The following CLVS1 variants were observed in gnomAD, a reference collection of about 807,000 sequenced individuals.
CLVS1 encodes clavesin 1.
Under a neutral mutation model 33.1 loss-of-function variants are expected in CLVS1, and 10 were observed. The observed-to-expected ratio is 0.30, with a 90% CI of 0.19 to 0.51. The LOEUF is 0.51. CLVS1 is among the 20% of genes least tolerant of loss of function. CLVS1 has a pLI of 0.97. For missense variants in CLVS1, 343 were observed against 433.4 expected, an observed-to-expected ratio of 0.79 and a Z score of 1.85; for synonymous variants, 163 against 166.1, an observed-to-expected ratio of 0.98 and a Z score of 0.14.
chr8:61,472,277 G>A (rs1817760326), intron 5 of CLVS1, among the ~76,000 whole-genome samples: 1 of 152,024 alleles, frequency 6.6e-6, no homozygotes, highest in South Asian at 2.1e-4. Flanking sequence ...TCTTTTATTT[G>A]CCACTGTGCC....
At chr8:61,002,400 G>A in the CLVS1 span, among the ~76,000 whole-genome samples, 8 of 146,114 alleles carry the variant, frequency 5.5e-5, no homozygotes, top group Non-Finnish European at 8.9e-5. Flanking sequence ...CATGATCTTG[G>A]CTCACTGCAG....
intron 2 of CLVS1, among the ~76,000 whole-genome samples, chr8:61,137,720 C>T (rs144014352): frequency 5.3e-5 from 8 of 152,302 alleles, no homozygotes; most frequent in African/African-American, 1.9e-4. Context: ...CATAGCCAGG[C>T]TCGATGTTGC....
chr8:61,090,536 A>T (rs2129284314), intron 1 of CLVS1, among the ~76,000 whole-genome samples: 1 of 152,300 alleles, frequency 6.6e-6, no homozygotes, highest in Non-Finnish European at 1.5e-5. Flanking sequence ...TTTAAAAAAA[A>T]AAGCGTGATT....
At chr8:61,006,225 G>A in the CLVS1 span, among the ~76,000 whole-genome samples, 1 of 152,186 alleles carries the variant, frequency 6.6e-6, no homozygotes, top group African/African-American at 2.4e-5. Flanking sequence ...CATCAGAAGG[G>A]TAATGGCCAG....
chr8:61,468,110 T>C (rs2129607589), intron 5 of CLVS1, among the ~76,000 whole-genome samples: 1 of 152,336 alleles, frequency 6.6e-6, no homozygotes, highest in Middle Eastern at 3.4e-3. Flanking sequence ...AATGTGAAAT[T>C]TCTATAAAGT....
chr8:61,063,840 T>C (rs963660005), intron 1 of CLVS1, among the ~76,000 whole-genome samples: 2 of 152,230 alleles, frequency 1.3e-5, no homozygotes, highest in Admixed American at 1.3e-4. Flanking sequence ...ACTTTTTCAT[T>C]GTCCCTAGTA....
At chr8:61,174,413 G>C (rs1807071235) in intron 2 of CLVS1, among the ~76,000 whole-genome samples, 2 of 150,932 alleles carry the variant, frequency 1.3e-5, no homozygotes, top group South Asian at 4.2e-4. Flanking sequence ...TCCAGCCTGG[G>C]CAACAGAGTG....
At chr8:61,408,263 A>G (rs539053179) in intron 3 of CLVS1, among the ~76,000 whole-genome samples, 1 of 152,264 alleles carries the variant, frequency 6.6e-6, no homozygotes, top group Admixed American at 6.5e-5. Context: ...ACATCTCAAG[A>G]GGTGAAATTT....
intron 2 of CLVS1, among the ~76,000 whole-genome samples, chr8:61,232,037 T>TG (rs1219197483): frequency 0.35 from 40,791 of 115,978 alleles, 8,285 homozygotes; most frequent in Non-Finnish European, 0.4. Flanking sequence ...TTTTTTTTTT[T>TG]TTTTTTTTTT....
chr8:61,338,700 G>C (rs1318040605), intron 2 of CLVS1, among the ~76,000 whole-genome samples: 2 of 152,112 alleles, frequency 1.3e-5, no homozygotes, highest in African/African-American at 4.8e-5. Flanking sequence ...CTCCTTTCTG[G>C]TGTGGGAGCC....
At chr8:61,067,358 G>C (rs1173194629) in intron 1 of CLVS1, among the ~76,000 whole-genome samples, 2 of 150,436 alleles carry the variant, frequency 1.3e-5, no homozygotes, top group African/African-American at 2.4e-5. Context: ...ATATATGTGG[G>C]TGTATATATA....
In CLVS1 at chr8:61,368,488, C is replaced by A. The variant is rs376292873; in HGVS notation, c.456-8117C>A. Among the ~76,000 whole-genome samples the A allele has an allele frequency of 2.1e-3, 323 of 152,252 alleles. 2 individuals are homozygous for A. Among genetic ancestry groups the A allele is most frequent in the African/African-American group, 7.2e-3 (298 of 41,546 alleles). The stretch of plus-strand genomic sequence containing the variant: ...GCCTTGTTCTTGGACAAGAACATTA[C>A]CCTTTGTGTTTTGTCCTCAGTAGCA... On this transcript the variant is annotated intron_variant, in intron 2 of 5. Transcript: ENST00000325897.
intron 2 of CLVS1, among the ~76,000 whole-genome samples, chr8:61,273,452 G>A (rs987517306): frequency 3.3e-5 from 5 of 152,162 alleles, no homozygotes; most frequent in Non-Finnish European, 4.4e-5. Flanking sequence ...TTGTTTGTCT[G>A]TGCCCTGCCC....
At chr8:61,035,933 T>G in the CLVS1 span, among the ~76,000 whole-genome samples, 6 of 152,190 alleles carry the variant, frequency 3.9e-5, no homozygotes, top group Non-Finnish European at 8.8e-5. Flanking sequence ...TGCGTGCACC[T>G]GATGCATTTT....
the CLVS1 span, among the ~76,000 whole-genome samples, chr8:61,007,960 G>A: frequency 2.0e-5 from 3 of 152,172 alleles, no homozygotes; most frequent in Non-Finnish European, 2.9e-5. Flanking sequence ...ATGATTGCAG[G>A]AGACAGCTTG....
chr8:61,297,580 T>C (rs1306997289), intron 1 of CLVS1, among the ~76,000 whole-genome samples: 1 of 152,166 alleles, frequency 6.6e-6, no homozygotes, highest in East Asian at 1.9e-4. Flanking sequence ...AGTTTAGTTT[T>C]GAACAGATCG....
At chr8:61,334,921 A>G (rs1020183423) in intron 2 of CLVS1, among the ~76,000 whole-genome samples, 3 of 152,242 alleles carry the variant, frequency 2.0e-5, no homozygotes, top group South Asian at 2.1e-4. Context: ...TTATTACTCA[A>G]ATCAGTCTCT....
intron 1 of CLVS1, among the ~76,000 whole-genome samples, chr8:61,095,758 T>A (rs777909349): frequency 6.6e-6 from 1 of 152,204 alleles, no homozygotes; most frequent in African/African-American, 2.4e-5. Flanking sequence ...CAAGGCACGC[T>A]GGGATTTTTA....
the CLVS1 span, among the ~76,000 whole-genome samples, chr8:60,972,342 C>T: frequency 6.6e-6 from 1 of 152,200 alleles, no homozygotes; most frequent in Non-Finnish European, 1.5e-5. Context: ...ATGGGCCAAA[C>T]TAACTCTGGG....
Sources: gnomAD v4.1 joint callset for allele counts (sites outside exome capture counted in the v4.1 genomes callset) on GRCh38, gnomAD v4.1.1 for gene constraint, MANE v1.5 for transcripts, NCBI Gene and HGNC (gene_info 2026-07-23, HGNC 2026-07-21) for gene names.